Variants in NIT2 observed in about 807,000 individuals in gnomAD.
NIT2 encodes omega-amidase NIT2.
NIT2 carries 46 observed loss-of-function variants against 42.7 expected under a neutral mutation model. The ratio of observed to expected loss-of-function variants is 1.08; its 90% CI spans 0.85 to 1.38. The LOEUF (loss-of-function observed/expected upper bound fraction) is 1.38, where lower values mean the gene tolerates loss of function less well. Among genes scored for constraint, NIT2 ranks in the 40% most tolerant of loss-of-function variants. The pLI, the probability that NIT2 is intolerant of heterozygous loss-of-function variation, is 0.00. For missense variants in NIT2, 309 were observed against 342.5 expected, an observed-to-expected ratio of 0.90 and a Z score of 0.77; for synonymous variants, 123 against 121.9, an observed-to-expected ratio of 1.01 and a Z score of -0.06.
chr3:100,353,014 G>T (rs1207492036), intron 8 of NIT2, among the ~76,000 whole-genome samples: 1 of 152,154 alleles, frequency 6.6e-6, no homozygotes, highest in Non-Finnish European at 1.5e-5. Context: ...ACATAAGCCT[G>T]CCCAGACAGA....
intron 1 of NIT2, chr3:100,335,164 C>G (rs1033106522): frequency 3.8e-6 from 1 of 263,120 alleles, no homozygotes; most frequent in African/African-American, 2.3e-5. Context: ...TCCTCCAGCC[C>G]CGCCCTGCAC....
chr3:100,346,596 A>G (rs1706220262), intron 6 of NIT2, among the ~76,000 whole-genome samples: 1 of 152,228 alleles, frequency 6.6e-6, no homozygotes, highest in African/African-American at 2.4e-5. Flanking sequence ...GGGTACAAGT[A>G]GAAATGTGGT....
In NIT2 at chr3:100,341,167, T is replaced by C. The variant is rs751034856; in HGVS notation, c.336+6T>C. The C allele has an allele frequency of 1.3e-6, 2 of 1,599,198 alleles. No individual in the cohort carries two copies. The highest frequency in any genetic ancestry group is 1.7e-6 in the Non-Finnish European group (2 of 1,166,550). ...TACTAGCAAAGTATAGAAAGGTAAGTAGGAAGTGTGGCATAAGAATTTGTT... is the reference window on the plus strand; with the variant it reads ...TACTAGCAAAGTATAGAAAGGTAAGCAGGAAGTGTGGCATAAGAATTTGTT... On this transcript the variant is annotated splice_donor_region_variant and intron_variant, in intron 4 of 9. Transcript: ENST00000394140.
chr3:100,347,164 C>T (rs941812429), intron 6 of NIT2, among the ~76,000 whole-genome samples: 1 of 151,538 alleles, frequency 6.6e-6, no homozygotes, highest in South Asian at 2.1e-4. Context: ...GGTGCAATCT[C>T]GACTCACTGC....
At position 100,341,155 on chromosome 3, in the gene NIT2, T is replaced by C; in HGVS notation, c.330T>C (p.Tyr110=). ...CTGATGGAACTTTACTAGCAAAGTA[T>C]AGAAAGGTAAGTAGGAAGTGTGGCA... ...FGPDGTLLAK[Y]RKIHLFDIDV... Residue 110 remains tyrosine, a synonymous_variant, in exon 4 of 10, where the codon TAT becomes TAC. Transcript: ENST00000394140. The C allele has an allele frequency of 6.2e-7, 1 of 1,609,262 alleles. No homozygotes were observed. Among genetic ancestry groups the C allele is most frequent in the Non-Finnish European group, 8.5e-7 (1 of 1,175,610 alleles).
At chr3:100,335,258 T>C (rs1427337002) in intron 1 of NIT2, 3 of 205,548 alleles carry the variant, frequency 1.5e-5, no homozygotes, top group African/African-American at 7.2e-5. Flanking sequence ...TCACTTACTT[T>C]GTTCAGTGAC....
rs869283536 is a variant in NIT2, at chr3:100,357,637, C to CTTTTTTT, written c.*2385_*2391dup. Reference sequence around the variant, plus strand: ...GGTGGATGCTAAACTTTTTACATTTCTTTTTTTTTTTTTTTTTTTTTTGAG... The same window carrying CTTTTTTT: ...GGTGGATGCTAAACTTTTTACATTTCTTTTTTTTTTTTTTTTTTTTTTTTTTTTTGAG... On this transcript the variant is annotated 3_prime_UTR_variant, in exon 10 of 10. Coordinates refer to ENST00000394140, the MANE Select transcript of NIT2 (RefSeq NM_020202.5). 3 of 118,832 alleles carry CTTTTTTT rather than the reference C, an allele frequency of 2.5e-5. No individual in the cohort carries two copies. Among genetic ancestry groups the CTTTTTTT allele is most frequent in the African/African-American group, 6.2e-5 (2 of 32,370 alleles). The allele number at this position is 118,832 out of a possible 1,614,324, so 7.4% of individuals were successfully genotyped here. A position where few individuals can be genotyped will look rare whatever the true frequency, so the allele number is the denominator to read the frequency against.
rs1031393672 is a variant in NIT2 at position 100,350,306 on chromosome 3, T to C, written c.584+1425T>C. On this transcript the variant is annotated intron_variant, in intron 7 of 9. Coordinates refer to ENST00000394140, the MANE Select transcript of NIT2 (RefSeq NM_020202.5). ...ATACTGAGATGACCCAGCATGGGTCTGTTAAGTCTCGAGGGCTCCGAGGTG... is the reference window on the plus strand; with the variant it reads ...ATACTGAGATGACCCAGCATGGGTCCGTTAAGTCTCGAGGGCTCCGAGGTG... Among the ~76,000 whole-genome samples the C allele has an allele frequency of 2.6e-5, 4 of 152,348 alleles. No individual in the cohort carries two copies. In the South Asian group the frequency reaches 8.3e-4, roughly 32 times the overall value.
rs1160856848 is a variant in NIT2, at chr3:100,358,159, A to ATAC, written c.*2891_*2892insTAC. 2.0e-5 allele frequency: 3 copies of ATAC among 152,120 alleles called. No homozygotes were observed. The highest frequency in any genetic ancestry group is 2.9e-5 in the Non-Finnish European group (2 of 68,042). The allele number at this position is 152,120 out of a possible 1,614,324, so 9.4% of individuals were successfully genotyped here. On this transcript the variant is annotated 3_prime_UTR_variant, in exon 10 of 10. Coordinates refer to ENST00000394140, the MANE Select transcript of NIT2 (RefSeq NM_020202.5). ...ATATCAGGAGATCTTGCCTTCTGGT[A>ATAC]CTCTTGAAAAATATGAAAAGAAACA...
chr3:100,345,380 A>G (rs956763596), intron 4 of NIT2, among the ~76,000 whole-genome samples: 9 of 152,252 alleles, frequency 5.9e-5, no homozygotes, highest in African/African-American at 1.9e-4. Context: ...TAAAAGGTAC[A>G]GTATCATTTT....
chr3:100,349,123 TTTTC>T, intron 7 of NIT2: 2 of 388,828 alleles, frequency 5.1e-6, no homozygotes, highest in Non-Finnish European at 9.5e-6. Context: ...TTTTTTTTTT[TTTTC>T]TTTTTAAGAG....
Position 100,354,819 on chromosome 3 carries a change from C to T in NIT2, c.731C>T (p.Ser244Leu). Residue 244 changes from serine to leucine, a missense_variant, in exon 9 of 10, where the codon TCA becomes TTA. By Grantham distance (145) the Ser-to-Leu change is moderately radical. Transcript: ENST00000394140. ...GGCACAGAAGAAGCAATCGTGTATTCAGACATAGGTAAGATTTTCCTGGGC... is the reference window on the plus strand; with the variant it reads ...GGCACAGAAGAAGCAATCGTGTATTTAGACATAGGTAAGATTTTCCTGGGC... ...KAGTEEAIVY[S>L]DIDLKKLAEI... is the part of the protein sequence containing the mutation. 6.2e-7 allele frequency: 1 copy of T among 1,610,822 alleles called. No individual in the cohort carries two copies. The highest frequency in any genetic ancestry group is 1.1e-5 in the South Asian group (1 of 89,902).
At chr3:100,349,940 A>G (rs1380062954) in intron 7 of NIT2, 1 of 152,192 alleles carries the variant, frequency 6.6e-6, no homozygotes, top group Admixed American at 6.5e-5. Flanking sequence ...GTCTGAGATG[A>G]TGGTTTTCTT....
In NIT2 at chr3:100,348,793, T is replaced by C. The variant is rs1270716721; in HGVS notation, c.506-10T>C. On this transcript the variant is annotated splice_polypyrimidine_tract_variant and intron_variant, in intron 6 of 9. Transcript: ENST00000394140. ...TGCATCCACTGTTCTTTGGCTTTTC[T>C]CTCCCCAAGGCTGCCAGCTGTTGGT... The C allele has an allele frequency of 6.2e-7, 1 of 1,613,592 alleles. No individual in the cohort carries two copies. The highest frequency in any genetic ancestry group is 1.7e-5 in the Admixed American group (1 of 60,008).
chr3:100,350,176 G>T (rs1706259479), intron 7 of NIT2, among the ~76,000 whole-genome samples: 1 of 152,180 alleles, frequency 6.6e-6, no homozygotes, highest in African/African-American at 2.4e-5. Context: ...TAATGTAAGG[G>T]AAAGAGGTTT....
chr3:100,339,227 C>G (rs1441902298), intron 2 of NIT2, 22 bp downstream of exon 2: 1 of 1,443,468 alleles, frequency 6.9e-7, no homozygotes, highest in Non-Finnish European at 9.8e-7. Context: ...AGCAGCCATT[C>G]TGTTCTAGCC....
Position 100,345,620 on chromosome 3 carries a change from TACATTTCAAGA to T in NIT2, c.374_384del (p.Thr125IlefsTer2). ...TTGACATTGATGTTCCTGGAAAAAT[TACATTTCAAGA>T]ATCTAAAACATTGAGTCCGGGTGAT... On this transcript the variant is annotated frameshift_variant, in exon 5 of 10. Transcript: ENST00000394140. LOFTEE classifies it high-confidence loss of function. 1 of 1,613,070 alleles carries T rather than the reference TACATTTCAAGA, an allele frequency of 6.2e-7. No individual in the cohort carries two copies. The highest frequency in any genetic ancestry group is 8.5e-7 in the Non-Finnish European group (1 of 1,179,250).
At chr3:100,336,829 A>G (rs1275811383) in intron 1 of NIT2, among the ~76,000 whole-genome samples, 1 of 152,072 alleles carries the variant, frequency 6.6e-6, no homozygotes, top group Non-Finnish European at 1.5e-5. Context: ...AACTGCAAAG[A>G]GGCGTTCCTT....
chr3:100,348,419 G>C (rs1012703313), intron 6 of NIT2, among the ~76,000 whole-genome samples: 1 of 152,200 alleles, frequency 6.6e-6, no homozygotes, highest in Admixed American at 6.5e-5. Flanking sequence ...AGTCCACTGG[G>C]TCTTAGCCCT....
Sources: gnomAD v4.1 joint callset for allele counts (sites outside exome capture counted in the v4.1 genomes callset) on GRCh38, gnomAD v4.1.1 for gene constraint, MANE v1.5 for transcripts, NCBI Gene and HGNC (gene_info 2026-07-23, HGNC 2026-07-21) for gene names.